NRDE2: variants seen among roughly 807,000 people sequenced by gnomAD.
NRDE2 encodes the protein NRDE-2, necessary for RNA interference, domain containing.
NRDE2 carries 76 observed loss-of-function variants against 124.2 expected under a neutral mutation model. That is an observed-to-expected ratio of 0.61 (90% CI 0.51 to 0.74). The LOEUF (loss-of-function observed/expected upper bound fraction) is 0.74, where lower values mean the gene tolerates loss of function less well. Among genes scored for constraint, NRDE2 ranks in the 30% least tolerant of loss-of-function variants. The pLI is 0.00. For missense variants in NRDE2, 1,314 were observed against 1,417.3 expected (o/e 0.93, Z 1.17); for synonymous variants, 489 against 528.1 (o/e 0.93, Z 1.01).
chr14:90,301,432 T>TG, intron 6 of NRDE2, 60 bp from the exon 7 acceptor site: 1 of 1,550,932 alleles, frequency 6.4e-7, no homozygotes, highest in Non-Finnish European at 8.8e-7. Flanking sequence ...GGAAAGAACC[T>TG]AACTTCTCAA....
Position 90,270,298 on chromosome 14 carries a change from A to G in NRDE2, c.*8038T>C. The G allele has an allele frequency of 6.2e-7, 1 of 1,613,794 alleles. No homozygotes were observed. Among genetic ancestry groups the G allele is most frequent in the South Asian group, 1.1e-5 (1 of 91,066 alleles). On this transcript the variant is annotated 3_prime_UTR_variant, in exon 14 of 14. Coordinates refer to ENST00000354366, the MANE Select transcript of NRDE2 (RefSeq NM_017970.4). Reference sequence around the variant, plus strand: ...GCAGGATGACGCTGGCTGATGATGTAACCCTGGACGACCTGATCATGGCTA... The same window carrying G: ...GCAGGATGACGCTGGCTGATGATGTGACCCTGGACGACCTGATCATGGCTA...
chr14:90,285,873 G>A (rs1022889737), intron 12 of NRDE2, among the ~76,000 whole-genome samples: 12 of 152,050 alleles, frequency 7.9e-5, no homozygotes, highest in African/African-American at 1.9e-4. Context: ...GGGCTCAGAC[G>A]ATTTTCCCGC....
Position 90,270,147 on chromosome 14 carries a change from C to T in NRDE2, c.*8189G>A, listed in dbSNP as rs1191113221. 3.3e-5 allele frequency: 53 copies of T among 1,593,176 alleles called. No individual in the cohort carries two copies. Among genetic ancestry groups the T allele is most frequent in the Non-Finnish European group, 3.9e-5 (46 of 1,165,854 alleles). Reference sequence around the variant, plus strand: ...TGGGCTGAGGCCTCTGAGCCATGGCCGAGCCTGGGTTTGGATGTTGGTGTG... The same window carrying T: ...TGGGCTGAGGCCTCTGAGCCATGGCTGAGCCTGGGTTTGGATGTTGGTGTG... On this transcript the variant is annotated 3_prime_UTR_variant, in exon 14 of 14. Transcript: ENST00000354366.
At position 90,304,174 on chromosome 14, in the gene NRDE2, C is replaced by T. The variant is rs759674769; in HGVS notation, c.766G>A (p.Val256Met). 2.5e-6 allele frequency: 4 copies of T among 1,614,196 alleles called. No homozygotes were observed. The highest frequency in any genetic ancestry group is 2.5e-6 in the Non-Finnish European group (3 of 1,180,026). ...GGAGCCGCATCTTCCAAGTCCTTCA[C>T]TGGTATAAAGGAGATGGGCTCAGAT... ...PSSEPISFIP[V>M]KDLEDAAPVT... is the part of the protein sequence containing the mutation. Residue 256 changes from valine (V) to methionine (M), a missense_variant, in exon 5 of 14, where the codon GTG becomes ATG. Val to Met is a conservative substitution (Grantham distance 21). Coordinates refer to ENST00000354366, the MANE Select transcript of NRDE2 (RefSeq NM_017970.4).
Position 90,270,110 on chromosome 14 carries a change from T to A in NRDE2, c.*8226A>T, listed in dbSNP as rs980956670. ...AGAATTCTGTCCGACTGAAACTTCG[T>A]ATGTAAGGAGATGGGCTGAGGCCTC... On this transcript the variant is annotated 3_prime_UTR_variant, in exon 14 of 14. Coordinates refer to ENST00000354366, the MANE Select transcript of NRDE2 (RefSeq NM_017970.4). The A allele has an allele frequency of 7.2e-7, 1 of 1,387,050 alleles. No homozygotes were observed. The highest frequency in any genetic ancestry group is 9.8e-7 in the Non-Finnish European group (1 of 1,016,736). 85.9% of individuals were successfully genotyped at this position (1,387,050 alleles called of 1,614,324 possible). A position where few individuals can be genotyped will look rare whatever the true frequency, so the allele number is the denominator to read the frequency against.
At chr14:90,315,480 G>A (rs753629140) in intron 3 of NRDE2, among the ~76,000 whole-genome samples, 1 of 152,132 alleles carries the variant, frequency 6.6e-6, no homozygotes, top group Non-Finnish European at 1.5e-5. Context: ...TAGACCATAT[G>A]AGCAAATAAA....
rs758475348 is a variant in NRDE2 at position 90,289,032 on chromosome 14, G to A, written c.2343C>T (p.Cys781=). The A allele has an allele frequency of 7.4e-6, 12 of 1,614,022 alleles. No individual in the cohort carries two copies. Among genetic ancestry groups the A allele is most frequent in the Non-Finnish European group, 1.0e-5 (12 of 1,179,998 alleles). ...LKEPENCNNF[C]LWKQYAHLEW... ...CCAGATGTGCATACTGCTTCCACAG[G>A]CAAAAGTTGTTGCAGTTTTCTGGCT... The change falls in exon 11 of 14, where the codon TGC becomes TGT. Residue 781 remains cysteine, a synonymous_variant. Transcript: ENST00000354366.
intron 4 of NRDE2, among the ~76,000 whole-genome samples, chr14:90,307,451 C>T (rs1035424833): frequency 4.6e-5 from 7 of 151,900 alleles, no homozygotes; most frequent in Admixed American, 1.3e-4. Flanking sequence ...AACGGCCAGG[C>T]GTGGTGGCTC....
At position 90,271,747 on chromosome 14, in the gene NRDE2, T is replaced by C. The variant is rs1038550164; in HGVS notation, c.*6589A>G. On this transcript the variant is annotated 3_prime_UTR_variant, in exon 14 of 14. Coordinates refer to ENST00000354366, the MANE Select transcript of NRDE2 (RefSeq NM_017970.4). ...CCCACAGCCCTGACCCTTGGGTCAG[T>C]CTTAGTTACAGTAACTCCCAGTTTA... 1 of 152,522 alleles carries C rather than the reference T, an allele frequency of 6.6e-6. No individual in the cohort carries two copies. Among genetic ancestry groups the C allele is most frequent in the Non-Finnish European group, 1.5e-5 (1 of 68,230 alleles). The allele number at this position is 152,522 out of a possible 1,614,324, so 9.4% of individuals were successfully genotyped here.
At chr14:90,286,645 G>C (rs1892112467) in intron 11 of NRDE2, among the ~76,000 whole-genome samples, 153 bp from the exon 12 acceptor site, 1 of 152,170 alleles carries the variant, frequency 6.6e-6, no homozygotes, top group African/African-American at 2.4e-5. Flanking sequence ...GCTGTGTATG[G>C]GGCTTCTCCA....
chr14:90,323,085 C>T (rs1885299344), intron 1 of NRDE2, among the ~76,000 whole-genome samples: 1 of 152,320 alleles, frequency 6.6e-6, no homozygotes, highest in South Asian at 2.1e-4. Flanking sequence ...TATGCATACA[C>T]ACCAAGAAAT....
intron 1 of NRDE2, among the ~76,000 whole-genome samples, chr14:90,328,855 G>T (rs776741755): frequency 6.6e-6 from 1 of 152,192 alleles, no homozygotes; most frequent in East Asian, 1.9e-4. Context: ...GGAAGAAACC[G>T]ATTTATACTG....
intron 1 of NRDE2, 51 bp from the exon 2 acceptor site, chr14:90,318,164 T>C (rs773242987): frequency 3.4e-5 from 48 of 1,411,664 alleles, no homozygotes; most frequent in Admixed American, 9.0e-5. Flanking sequence ...AATATGATTC[T>C]AAAGCAGGAG....
At chr14:90,285,088 G>A (rs140929219) in intron 12 of NRDE2, among the ~76,000 whole-genome samples, 2 of 151,800 alleles carry the variant, frequency 1.3e-5, no homozygotes, top group East Asian at 2.0e-4. Flanking sequence ...AGACCAGTCT[G>A]GCCAACATGG....
intron 1 of NRDE2, among the ~76,000 whole-genome samples, chr14:90,325,125 G>A (rs1316187299): frequency 1.3e-5 from 2 of 152,166 alleles, no homozygotes; most frequent in African/African-American, 2.4e-5. Flanking sequence ...ACGTGTCTAA[G>A]TTTTGGTTTG....
chr14:90,269,803 A>G lies in NRDE2; in HGVS notation c.*8533T>C. On this transcript the variant is annotated 3_prime_UTR_variant, in exon 14 of 14. Transcript: ENST00000354366. ...CCATAACATTCCCTTTTTAGCCTCA[A>G]GAACTTGCTGCTTTTTCTGGAAGAA... The G allele has an allele frequency of 4.7e-6, 2 of 423,554 alleles. No individual in the cohort carries two copies. The highest frequency in any genetic ancestry group is 8.3e-6 in the Non-Finnish European group (2 of 241,226). The allele number at this position is 423,554 out of a possible 1,614,324, so 26.2% of individuals were successfully genotyped here.
intron 8 of NRDE2, among the ~76,000 whole-genome samples, chr14:90,293,231 A>G (rs1157833120): frequency 6.9e-6 from 1 of 145,818 alleles, no homozygotes; most frequent in Non-Finnish European, 1.5e-5. Flanking sequence ...CTTGAGATGT[A>G]GCTAGTAAAG....
intron 1 of NRDE2, among the ~76,000 whole-genome samples, chr14:90,322,529 T>C (rs1047028068): frequency 1.3e-5 from 2 of 151,720 alleles, no homozygotes; most frequent in African/African-American, 2.4e-5. Context: ...ACTGAAGAAA[T>C]TAGAAATCTT....
chr14:90,311,927 A>T (rs1884855437), intron 4 of NRDE2, among the ~76,000 whole-genome samples: 1 of 152,224 alleles, frequency 6.6e-6, no homozygotes, highest in Admixed American at 6.5e-5. Flanking sequence ...AGCAAATATC[A>T]TCTATTTTTA....
Sources: gnomAD v4.1 joint callset for allele counts (sites outside exome capture counted in the v4.1 genomes callset) on GRCh38, gnomAD v4.1.1 for gene constraint, MANE v1.5 for transcripts, NCBI Gene and HGNC (gene_info 2026-07-23, HGNC 2026-07-21) for gene names.